NEGR1: variants seen among roughly 807,000 people sequenced by gnomAD.
NEGR1 encodes IgLON family member 4.
A neutral mutation model predicts 40.9 loss-of-function variants in NEGR1; 10 were observed. That is an observed-to-expected ratio of 0.24 (90% CI 0.15 to 0.42). NEGR1 has a LOEUF of 0.42. NEGR1 is among the 10% of genes least tolerant of loss of function. The probability of loss-of-function intolerance (pLI) is 1.00; values close to 1 mark genes in which losing one functional copy is unlikely to be tolerated. For synonymous variants in NEGR1, 185 were observed against 166.8 expected (o/e 1.11, Z -0.84); for missense variants, 352 against 438.9 (o/e 0.80, Z 1.77).
intron 1 of NEGR1, among the ~76,000 whole-genome samples, chr1:72,212,347 AG>A (rs1418797120): frequency 6.6e-6 from 1 of 151,944 alleles, no homozygotes; most frequent in African/African-American, 2.4e-5. Context: ...TCTTATATCC[AG>A]GGTGGCAGAT....
chr1:71,528,980 GATGAATC>G (rs1647281428), intron 6 of NEGR1, among the ~76,000 whole-genome samples: 1 of 151,062 alleles, frequency 6.6e-6, no homozygotes, highest in Non-Finnish European at 1.5e-5. Flanking sequence ...TTTAGGTATA[GATGAATC>G]GTATTTCAAA....
intron 2 of NEGR1, among the ~76,000 whole-genome samples, chr1:71,825,241 GA>G (rs1658577398): frequency 6.6e-6 from 1 of 151,922 alleles, no homozygotes; most frequent in Non-Finnish European, 1.5e-5. Context: ...GATGGCTAAT[GA>G]GGTAGAGCTT....
chr1:72,273,442 C>A (rs1655924411), intron 1 of NEGR1, among the ~76,000 whole-genome samples: 1 of 151,896 alleles, frequency 6.6e-6, no homozygotes, highest in Non-Finnish European at 1.5e-5. Context: ...TTGTCAAGGG[C>A]AAAAGCCTTC....
At chr1:71,828,561 T>G (rs1658725552) in intron 2 of NEGR1, among the ~76,000 whole-genome samples, 1 of 151,938 alleles carries the variant, frequency 6.6e-6, no homozygotes, top group African/African-American at 2.4e-5. Context: ...TTCTTTCATG[T>G]TCAGTATACA....
chr1:72,026,547 CAACA>C lies in NEGR1; in HGVS notation c.177-91240_177-91237del, dbSNP rs199956593. Among the ~76,000 whole-genome samples, 963 of 151,764 alleles carry C rather than the reference CAACA, an allele frequency of 6.3e-3. 15 individuals are homozygous for C. The highest frequency in any genetic ancestry group is 0.022 in the African/African-American group (920 of 41,364). ...ACAATGACATTCTTTAAAACAACAACAACAAAAAAAACCCTCATTCCTTCTAATT... is the reference window on the plus strand; with the variant it reads ...ACAATGACATTCTTTAAAACAACAACAAAAAAACCCTCATTCCTTCTAATT... On this transcript the variant is annotated intron_variant, in intron 1 of 6. Coordinates refer to ENST00000357731, the MANE Select transcript of NEGR1 (RefSeq NM_173808.3).
At chr1:71,558,906 G>T (rs575837468) in intron 6 of NEGR1, among the ~76,000 whole-genome samples, 1 of 150,288 alleles carries the variant, frequency 6.7e-6, no homozygotes, top group East Asian at 2.0e-4. Flanking sequence ...CACTACTGGG[G>T]TGTCAGTGCT....
intron 2 of NEGR1, among the ~76,000 whole-genome samples, chr1:71,873,118 C>CAAAAA (rs34592789): frequency 8.6e-5 from 7 of 81,820 alleles, no homozygotes; most frequent in East Asian, 3.7e-4. Flanking sequence ...AAAGATGTAG[C>CAAAAA]AAAAAAAAAA....
At chr1:72,033,978 T>G (rs925568553) in intron 1 of NEGR1, among the ~76,000 whole-genome samples, 1 of 152,198 alleles carries the variant, frequency 6.6e-6, no homozygotes, top group African/African-American at 2.4e-5. Context: ...TATTTCTACT[T>G]TATATAAGAA....
intron 2 of NEGR1, among the ~76,000 whole-genome samples, chr1:71,778,701 G>T (rs1656598327): frequency 6.6e-6 from 1 of 152,068 alleles, no homozygotes; most frequent in Admixed American, 6.6e-5. Flanking sequence ...CTGATTCAAG[G>T]TTAGACAGAG....
intron 1 of NEGR1, among the ~76,000 whole-genome samples, chr1:72,050,279 T>A (rs1275536650): frequency 6.6e-6 from 1 of 151,580 alleles, no homozygotes; most frequent in Non-Finnish European, 1.5e-5. Flanking sequence ...ATGCTCACTG[T>A]TATTGAAAGG....
At chr1:71,822,074 C>A (rs1027144279) in intron 2 of NEGR1, among the ~76,000 whole-genome samples, 2 of 151,812 alleles carry the variant, frequency 1.3e-5, no homozygotes, top group East Asian at 3.9e-4. Context: ...ACACTATAGA[C>A]TTATACTGTA....
chr1:72,241,366 T>TATAA (rs1654738007), intron 1 of NEGR1, among the ~76,000 whole-genome samples: 1 of 150,930 alleles, frequency 6.6e-6, no homozygotes, highest in Non-Finnish European at 1.5e-5. Flanking sequence ...CTGTCCACTA[T>TATAA]AGTTGCTAAC....
At chr1:71,710,662 T>C (rs1296619816) in intron 3 of NEGR1, among the ~76,000 whole-genome samples, 1 of 152,020 alleles carries the variant, frequency 6.6e-6, no homozygotes, top group Non-Finnish European at 1.5e-5. Flanking sequence ...TTATTTGTGG[T>C]ATCTAAAAAT....
intron 6 of NEGR1, among the ~76,000 whole-genome samples, chr1:71,503,582 C>T (rs978399629): frequency 6.6e-6 from 1 of 152,108 alleles, no homozygotes; most frequent in Admixed American, 6.5e-5. Flanking sequence ...GAGAACTTCC[C>T]TATCCCTTCC....
At chr1:71,437,889 G>A (rs1646520011) in intron 6 of NEGR1, among the ~76,000 whole-genome samples, 1 of 152,176 alleles carries the variant, frequency 6.6e-6, no homozygotes, top group African/African-American at 2.4e-5. Context: ...TCAAGTCGAA[G>A]GAGAGCTATA....
intron 1 of NEGR1, among the ~76,000 whole-genome samples, chr1:72,087,488 G>A (rs1648269583): frequency 6.6e-6 from 1 of 151,276 alleles, no homozygotes; most frequent in Non-Finnish European, 1.5e-5. Flanking sequence ...AAAACTATAG[G>A]CAGGATGCAG....
chr1:72,048,141 C>T (rs529109700), intron 1 of NEGR1, among the ~76,000 whole-genome samples: 1 of 151,724 alleles, frequency 6.6e-6, no homozygotes, highest in African/African-American at 2.4e-5. Flanking sequence ...CCATCCTATG[C>T]ATCCCCGAAG....
intron 1 of NEGR1, among the ~76,000 whole-genome samples, chr1:72,261,872 G>A (rs1004625133): frequency 1.3e-5 from 2 of 151,950 alleles, no homozygotes; most frequent in Non-Finnish European, 2.9e-5. Context: ...AGGTGTAAGG[G>A]TAGGACCAGG....
intron 6 of NEGR1, among the ~76,000 whole-genome samples, chr1:71,568,783 A>C (rs940497792): frequency 1.3e-5 from 2 of 150,998 alleles, no homozygotes; most frequent in African/African-American, 4.9e-5. Context: ...TAAAATTATA[A>C]GAATTATGTT....
Sources: gnomAD v4.1 joint callset for allele counts (sites outside exome capture counted in the v4.1 genomes callset) on GRCh38, gnomAD v4.1.1 for gene constraint, MANE v1.5 for transcripts, NCBI Gene and HGNC (gene_info 2026-07-23, HGNC 2026-07-21) for gene names.